The following APOL6 variants were observed in gnomAD, a reference collection of about 807,000 sequenced individuals.
APOL6 encodes the protein apolipoprotein L, 6.
In APOL6, 1 loss-of-function variant was observed where a neutral mutation model predicts 2.4. The ratio of observed to expected loss-of-function variants is 0.41; its 90% CI spans 0.15 to 1.94. The LOEUF (loss-of-function observed/expected upper bound fraction) is 1.94. Ranked by LOEUF, APOL6 falls within the 30% of genes most tolerant of loss-of-function variation. The pLI is 0.30. For synonymous variants in APOL6, 189 were observed against 169.3 expected, an observed-to-expected ratio of 1.12 and a Z score of -0.90; for missense variants, 438 against 429.2, an observed-to-expected ratio of 1.02 and a Z score of -0.18.
chr22:35,649,315 G>A (rs992537900), intron 1 of APOL6, among the ~76,000 whole-genome samples: 14 of 151,472 alleles, frequency 9.2e-5, no homozygotes, highest in Non-Finnish European at 1.6e-4. Context: ...CACACCTGTA[G>A]TCCCAGCTAC....
At chr22:35,657,478 T>C (rs962773483) in intron 2 of APOL6, among the ~76,000 whole-genome samples, 4 of 152,214 alleles carry the variant, frequency 2.6e-5, no homozygotes, top group African/African-American at 9.6e-5. Flanking sequence ...AAGAGAGATT[T>C]AAAGATAAAT....
intron 1 of APOL6, among the ~76,000 whole-genome samples, 162 bp from the exon 2 acceptor site, chr22:35,656,217 A>G (rs1389223734): frequency 6.6e-6 from 1 of 152,218 alleles, no homozygotes; most frequent in African/African-American, 2.4e-5. Flanking sequence ...ATTGTATGTA[A>G]GCTACACCTC....
At chr22:35,652,146 C>T (rs1378837546) in intron 1 of APOL6, among the ~76,000 whole-genome samples, 2 of 152,142 alleles carry the variant, frequency 1.3e-5, no homozygotes, top group African/African-American at 4.8e-5. Context: ...CTCTGATGGC[C>T]AGTGATGATG....
Position 35,659,377 on chromosome 22 carries a change from G to A in APOL6, c.813G>A (p.Leu271=). The A allele has an allele frequency of 3.7e-6, 6 of 1,614,134 alleles. No individual in the cohort carries two copies. The highest frequency in any genetic ancestry group is 5.1e-6 in the Non-Finnish European group (6 of 1,180,026). The part of the protein sequence containing the change: ...EGARTKFAEE[L]RAKALELERK... ...CAAGGACAAAGTTTGCGGAAGAGTTGAGAGCCAAGGCCTTGGAGCTGGAGA... is the reference window on the plus strand; with the variant it reads ...CAAGGACAAAGTTTGCGGAAGAGTTAAGAGCCAAGGCCTTGGAGCTGGAGA... The change falls in exon 3 of 3, where the codon TTG becomes TTA. Residue 271 remains leucine, a synonymous_variant. Transcript: ENST00000409652.
At position 35,659,796 on chromosome 22, in the gene APOL6, G is replaced by T. The variant is rs1249430624; in HGVS notation, c.*200G>T. 2.1e-6 allele frequency: 2 copies of T among 931,134 alleles called. No individual in the cohort carries two copies. Among genetic ancestry groups the T allele is most frequent in the Non-Finnish European group, 3.1e-6 (2 of 644,056 alleles). 57.7% of individuals were successfully genotyped at this position (931,134 alleles called of 1,614,324 possible). ...GTTTGTTTGTTTGTTTTGAGACAGG[G>T]TCTCTGTTGCCCAGGCTGGAGTGCA... On this transcript the variant is annotated 3_prime_UTR_variant, in exon 3 of 3. Transcript: ENST00000409652.
intron 1 of APOL6, among the ~76,000 whole-genome samples, chr22:35,653,471 G>C (rs1236476171): frequency 6.6e-6 from 1 of 152,188 alleles, no homozygotes; most frequent in Non-Finnish European, 1.5e-5. Flanking sequence ...TCCCTGTCTT[G>C]TGCCAGTTTT....
chr22:35,659,552 C>CTG lies in APOL6; in HGVS notation c.998_999dup (p.Leu334ValfsTer27). On this transcript the variant is annotated frameshift_variant, in exon 3 of 3. Transcript: ENST00000409652. LOFTEE classifies it low-confidence loss of function (END_TRUNC). ...GGAGCATGTGTGGATGTGGCTGTGGCTGTGTGTGTGTCTGTGTGTCTGTGT... is the reference window on the plus strand; with the variant it reads ...GGAGCATGTGTGGATGTGGCTGTGGCTGTGTGTGTGTGTCTGTGTGTCTGTGT... 6.2e-7 allele frequency: 1 copy of CTG among 1,613,176 alleles called. No individual in the cohort carries two copies. The highest frequency in any genetic ancestry group is 8.5e-7 in the Non-Finnish European group (1 of 1,179,636).
chr22:35,658,323 C>G (rs1924902687), intron 2 of APOL6, among the ~76,000 whole-genome samples: 1 of 152,194 alleles, frequency 6.6e-6, no homozygotes, highest in Non-Finnish European at 1.5e-5. Context: ...TTTCTCTGAA[C>G]AAGGCTGAAA....
At chr22:35,658,462 T>C (rs553262071) in intron 2 of APOL6, among the ~76,000 whole-genome samples, 153 bp from the exon 3 acceptor site, 25 of 152,304 alleles carry the variant, frequency 1.6e-4, no homozygotes, top group African/African-American at 6.0e-4. Flanking sequence ...CAGCGAAGGC[T>C]GAACTACTCT....
chr22:35,659,647 A>C lies in APOL6; in HGVS notation c.*51A>C. ...TGGCCTTGGAGGTCCAAATAATATC[A>C]AGTACATCTTGGAGATGAGGGTGCC... is the stretch of plus-strand genomic sequence containing the variant. On this transcript the variant is annotated 3_prime_UTR_variant, in exon 3 of 3. Coordinates refer to ENST00000409652, the MANE Select transcript of APOL6 (RefSeq NM_030641.4). The C allele has an allele frequency of 6.6e-7, 1 of 1,509,620 alleles. No individual in the cohort carries two copies. The highest frequency in any genetic ancestry group is 1.3e-5 in the South Asian group (1 of 77,192). 93.5% of individuals were successfully genotyped at this position (1,509,620 alleles called of 1,614,324 possible). A position where few individuals can be genotyped will look rare whatever the true frequency, so the allele number is the denominator to read the frequency against.
chr22:35,654,467 C>T (rs944167937), intron 1 of APOL6, among the ~76,000 whole-genome samples: 8 of 151,818 alleles, frequency 5.3e-5, no homozygotes, highest in African/African-American at 1.5e-4. Context: ...CTGCTCTCAT[C>T]GCTCAGGAAA....
rs1310023956 is a variant in APOL6, at chr22:35,665,306, A to G, written c.*5710A>G. ...CTTTAACTCCTGTGTCTGAAAAATC[A>G]CAAACACTGATGACAATCAAAGCCT... On this transcript the variant is annotated 3_prime_UTR_variant, in exon 3 of 3. Transcript: ENST00000409652. 6.6e-6 allele frequency: 1 copy of G among 152,166 alleles called. No individual in the cohort carries two copies. The highest frequency in any genetic ancestry group is 1.5e-5 in the Non-Finnish European group (1 of 68,044). The allele number at this position is 152,166 out of a possible 1,614,324, so 9.4% of individuals were successfully genotyped here.
In APOL6 at chr22:35,659,150, C is replaced by T. The variant is rs200170835; in HGVS notation, c.586C>T (p.Arg196Cys). ...RAFWKLRANP[R>C]LANATKRLLT... is the part of the protein sequence containing the mutation. ...ATTTTGGAAACTCAGAGCCAACCCACGCTTGGCCAATGCTACCAAGCGTCT... is the reference window on the plus strand; with the variant it reads ...ATTTTGGAAACTCAGAGCCAACCCATGCTTGGCCAATGCTACCAAGCGTCT... Residue 196 changes from arginine to cysteine, a missense_variant, in exon 3 of 3, where the codon CGC (arginine) becomes TGC (cysteine). Physicochemically the swap from Arg to Cys is radical, Grantham distance 180. Transcript: ENST00000409652. 1.4e-4 allele frequency: 227 copies of T among 1,614,198 alleles called. No individual in the cohort carries two copies. The Middle Eastern group carries it at 2.3e-3, about 16-fold the overall frequency.
chr22:35,654,640 A>G lies in APOL6; in HGVS notation c.-47-1739A>G, dbSNP rs114494966. On this transcript the variant is annotated intron_variant, in intron 1 of 2. Transcript: ENST00000409652. ...TATCTATATATAATTATAAATCACA[A>G]TATCACAACATATTATGTTCTTGGG... Among the ~76,000 whole-genome samples the G allele has an allele frequency of 8.4e-3, 1,272 of 152,026 alleles. 13 individuals carry two copies. Among genetic ancestry groups the G allele is most frequent in the African/African-American group, 0.029 (1,191 of 41,462 alleles).
chr22:35,656,315 C>T (rs1464476404), intron 1 of APOL6, 64 bp from the exon 2 acceptor site: 11 of 1,287,086 alleles, frequency 8.5e-6, no homozygotes, highest in Non-Finnish European at 1.1e-5. Context: ...AATCCCTCCA[C>T]ACCTGAATTT....
chr22:35,665,541 A>C lies in APOL6; in HGVS notation c.*5945A>C, dbSNP rs965397516. The C allele has an allele frequency of 2.0e-5, 3 of 152,212 alleles. No individual in the cohort carries two copies. The highest frequency in any genetic ancestry group is 4.4e-5 in the Non-Finnish European group (3 of 68,034). The allele number at this position is 152,212 out of a possible 1,614,324, so 9.4% of individuals were successfully genotyped here. ...CAAGTCAAAGGCACACTGATGCAAA[A>C]TCAGTATATGGACCCCTGTGTCTGA... is the stretch of plus-strand genomic sequence containing the variant. On this transcript the variant is annotated 3_prime_UTR_variant, in exon 3 of 3. Coordinates refer to ENST00000409652, the MANE Select transcript of APOL6 (RefSeq NM_030641.4).
intron 1 of APOL6, among the ~76,000 whole-genome samples, chr22:35,649,833 AGGTGAT>A (rs1271824669): frequency 3.9e-5 from 6 of 152,300 alleles, no homozygotes; most frequent in Non-Finnish European, 1.5e-5. Flanking sequence ...ATGTTCAACC[AGGTGAT>A]CCCTGGTTGT....
At chr22:35,656,582 T>A in intron 2 of APOL6, 107 bp downstream of exon 2, 3 of 1,362,468 alleles carry the variant, frequency 2.2e-6, no homozygotes, top group Non-Finnish European at 3.1e-6. Context: ...AGCTGTTAAG[T>A]GGGCCTTATC....
chr22:35,658,528 A>G, intron 2 of APOL6, 87 bp from the exon 3 acceptor site: 1 of 1,208,978 alleles, frequency 8.3e-7, no homozygotes, highest in South Asian at 1.5e-5. Flanking sequence ...GAGGATTCGA[A>G]GCTGAGAGTG....
Sources: gnomAD v4.1 joint callset for allele counts (sites outside exome capture counted in the v4.1 genomes callset) on GRCh38, gnomAD v4.1.1 for gene constraint, MANE v1.5 for transcripts, NCBI Gene and HGNC (gene_info 2026-07-23, HGNC 2026-07-21) for gene names.